B3GALT5: variants seen among roughly 807,000 people sequenced by gnomAD.
The protein encoded by B3GALT5 is UDP-Gal:betaGlcNAc beta 1,3-galactosyltransferase, polypeptide 5.
For missense variants in B3GALT5, 328 were observed against 396.6 expected (o/e 0.83, Z 1.47); for synonymous variants, 156 against 158.6 (o/e 0.98, Z 0.12).
At chr21:39,623,242 C>A in intron 1 of B3GALT5, among the ~76,000 whole-genome samples, 1 of 84,900 alleles carries the variant, frequency 1.2e-5, no homozygotes, top group Non-Finnish European at 2.3e-5. Flanking sequence ...TCCCTCCCTC[C>A]CTTCCTTCCT....
At position 39,667,277 on chromosome 21, in the gene B3GALT5, T is replaced by C. The variant is rs931357730; in HGVS notation, c.*5785T>C. ...CCAACTCCCGCCGGGCACCGGGTGC[T>C]GCACCGGTTATCCCAACAGGCTGGC... On this transcript the variant is annotated 3_prime_UTR_variant, in exon 4 of 4. Transcript: ENST00000684187. The C allele has an allele frequency of 6.6e-6, 1 of 152,234 alleles. No homozygotes were observed. The highest frequency in any genetic ancestry group is 2.4e-5 in the African/African-American group (1 of 41,472). 9.4% of individuals were successfully genotyped at this position (152,234 alleles called of 1,614,324 possible).
At chr21:39,617,714 C>A (rs902584956) in intron 1 of B3GALT5, among the ~76,000 whole-genome samples, 4 of 152,110 alleles carry the variant, frequency 2.6e-5, no homozygotes, top group Admixed American at 1.3e-4. Context: ...AATGTGGCCC[C>A]AAACAAATTC....
rs2079607410 is a variant in B3GALT5 at position 39,669,366 on chromosome 21, G to A, written c.*7874G>A. 1 of 152,102 alleles carries A rather than the reference G, an allele frequency of 6.6e-6. No individual in the cohort carries two copies. The highest frequency in any genetic ancestry group is 2.4e-5 in the African/African-American group (1 of 41,414). The allele number at this position is 152,102 out of a possible 1,614,324, so 9.4% of individuals were successfully genotyped here. ...GGTCCTTCAGCGAGTGGCACATCCAGGATTAAAAGCTGGCATCAGAAATCC... is the reference window on the plus strand; with the variant it reads ...GGTCCTTCAGCGAGTGGCACATCCAAGATTAAAAGCTGGCATCAGAAATCC... On this transcript the variant is annotated 3_prime_UTR_variant, in exon 4 of 4. Transcript: ENST00000684187.
intron 1 of B3GALT5, among the ~76,000 whole-genome samples, chr21:39,636,108 G>T (rs1277628914): frequency 6.6e-6 from 1 of 152,180 alleles, no homozygotes; most frequent in Non-Finnish European, 1.5e-5. Context: ...TTACTATCGG[G>T]CAATTTGCTC....
chr21:39,626,083 C>T lies in B3GALT5; in HGVS notation c.-392+13016C>T, dbSNP rs426768. On this transcript the variant is annotated intron_variant, in intron 1 of 3. Coordinates refer to ENST00000684187, the MANE Select transcript of B3GALT5 (RefSeq NM_001356336.2). ...ATCTTGTACCCATTATCAGTCATTT[C>T]TCCTCCCTACCCCCAGCCCCTGGGA... 3.2e-3 allele frequency among the ~76,000 whole-genome samples: 491 copies of T among 152,248 alleles called. 2 individuals carry two copies. In the Middle Eastern group the frequency reaches 0.061, roughly 19 times the overall value.
intron 1 of B3GALT5, among the ~76,000 whole-genome samples, chr21:39,619,219 G>C (rs1196657066): frequency 6.6e-6 from 1 of 152,094 alleles, no homozygotes; most frequent in Non-Finnish European, 1.5e-5. Context: ...GAGATCAAAG[G>C]TGCCAGCCTG....
intron 1 of B3GALT5, among the ~76,000 whole-genome samples, chr21:39,641,205 T>C (rs1384604865): frequency 2.0e-5 from 3 of 152,198 alleles, no homozygotes; most frequent in Non-Finnish European, 2.9e-5. Flanking sequence ...ACTACAAACA[T>C]GATAAATCTC....
At chr21:39,618,779 T>A (rs866789404) in intron 1 of B3GALT5, among the ~76,000 whole-genome samples, 6 of 152,324 alleles carry the variant, frequency 3.9e-5, no homozygotes, top group Middle Eastern at 3.4e-3. Flanking sequence ...CATTTTTAAT[T>A]TGGTGAAATT....
intron 1 of B3GALT5, among the ~76,000 whole-genome samples, chr21:39,618,034 A>G (rs886222509): frequency 6.6e-6 from 1 of 152,144 alleles, no homozygotes; most frequent in African/African-American, 2.4e-5. Flanking sequence ...ATGCACCTGT[A>G]GTCCTAGATA....
Position 39,661,388 on chromosome 21 carries a change from C to G in B3GALT5, c.829C>G (p.Leu277Val). 1 of 1,589,252 alleles carries G rather than the reference C, an allele frequency of 6.3e-7. No individual in the cohort carries two copies. Among genetic ancestry groups the G allele is most frequent in the Non-Finnish European group, 8.6e-7 (1 of 1,168,276 alleles). The change falls in exon 4 of 4, where the codon CTC becomes GTC. Residue 277 changes from leucine (L) to valine (V), a missense_variant. By Grantham distance (32) the Leu-to-Val change is conservative. Coordinates refer to ENST00000684187, the MANE Select transcript of B3GALT5 (RefSeq NM_001356336.2). This position sits in a 1 kb window ranked among gnomAD's most constrained non-coding sequence, Gnocchi z 4.7. The part of the protein sequence containing the change: ...FPGGLRFSVC[L>V]FRRIVACHFI... ...AGGGGGCTTACGCTTCTCCGTATGC[C>G]TCTTCAGGAGGATCGTGGCCTGCCA... is the stretch of plus-strand genomic sequence containing the variant.
Position 39,667,991 on chromosome 21 carries a change from TA to T in B3GALT5, c.*6501del, listed in dbSNP as rs1336326670. ...AGAAGGTTGTCAGAGGTGTGGAAAT[TA>T]AGATAATTCACATTGAGTTCTTGGC... is the stretch of plus-strand genomic sequence containing the variant. On this transcript the variant is annotated 3_prime_UTR_variant, in exon 4 of 4. Transcript: ENST00000684187. 1 of 152,236 alleles carries T rather than the reference TA, an allele frequency of 6.6e-6. No individual in the cohort carries two copies. Among genetic ancestry groups the T allele is most frequent in the East Asian group, 1.9e-4 (1 of 5,196 alleles). 9.4% of individuals were successfully genotyped at this position (152,236 alleles called of 1,614,324 possible).
At chr21:39,634,101 C>T (rs926788305) in intron 1 of B3GALT5, among the ~76,000 whole-genome samples, 1 of 152,164 alleles carries the variant, frequency 6.6e-6, no homozygotes, top group African/African-American at 2.4e-5. Flanking sequence ...TTGACCATTC[C>T]CCATGCCTTC....
chr21:39,638,384 C>T (rs1401677090), intron 1 of B3GALT5, among the ~76,000 whole-genome samples: 1 of 152,200 alleles, frequency 6.6e-6, no homozygotes, highest in Non-Finnish European at 1.5e-5. Flanking sequence ...CAGGCACTGA[C>T]AGGCACCAGC....
chr21:39,651,498 C>G (rs1461201219), intron 2 of B3GALT5, among the ~76,000 whole-genome samples: 1 of 152,198 alleles, frequency 6.6e-6, no homozygotes, highest in Non-Finnish European at 1.5e-5. Flanking sequence ...AGTCTGTGTC[C>G]AAATTTCCCT....
At chr21:39,632,846 G>A (rs903940079) in intron 1 of B3GALT5, among the ~76,000 whole-genome samples, 74 of 152,154 alleles carry the variant, frequency 4.9e-4, no homozygotes, top group African/African-American at 1.6e-3. Flanking sequence ...GGGGATGCAG[G>A]GAGAAAGTGG....
At chr21:39,628,441 C>A (rs1433473532) in intron 1 of B3GALT5, among the ~76,000 whole-genome samples, 2 of 152,232 alleles carry the variant, frequency 1.3e-5, no homozygotes, top group African/African-American at 4.8e-5. Context: ...TCATTCCACT[C>A]TCTACATCCG....
At position 39,661,278 on chromosome 21, in the gene B3GALT5, A is replaced by G; in HGVS notation, c.719A>G (p.Lys240Arg). The G allele has an allele frequency of 6.2e-7, 1 of 1,614,160 alleles. No homozygotes were observed. Among genetic ancestry groups the G allele is most frequent in the Non-Finnish European group, 8.5e-7 (1 of 1,180,052 alleles). ...GTCTCCAAGAGCGTCCCATACATTAAACTGGAAGACGTGTTTGTGGGGCTC... is the reference window on the plus strand; with the variant it reads ...GTCTCCAAGAGCGTCCCATACATTAGACTGGAAGACGTGTTTGTGGGGCTC... ...YNVSKSVPYI[K>R]LEDVFVGLCL... Residue 240 changes from lysine to arginine, a missense_variant, in exon 4 of 4, where the codon AAA (lysine) becomes AGA (arginine). Physicochemically the swap from Lys to Arg is conservative, Grantham distance 26. Coordinates refer to ENST00000684187, the MANE Select transcript of B3GALT5 (RefSeq NM_001356336.2). This position sits in a 1 kb window ranked among gnomAD's most constrained non-coding sequence, Gnocchi z 4.7.
chr21:39,643,677 G>A (rs2079311039), intron 1 of B3GALT5, among the ~76,000 whole-genome samples: 1 of 152,192 alleles, frequency 6.6e-6, no homozygotes, highest in African/African-American at 2.4e-5. Flanking sequence ...TTTGAAGCAT[G>A]CCACAGATTG....
chr21:39,664,865 T>G lies in B3GALT5; in HGVS notation c.*3373T>G, dbSNP rs2079565486. 1 of 152,684 alleles carries G rather than the reference T, an allele frequency of 6.5e-6. No homozygotes were observed. Among genetic ancestry groups the G allele is most frequent in the Admixed American group, 6.6e-5 (1 of 15,256 alleles). The allele number at this position is 152,684 out of a possible 1,614,324, so 9.5% of individuals were successfully genotyped here. On this transcript the variant is annotated 3_prime_UTR_variant, in exon 4 of 4. Coordinates refer to ENST00000684187, the MANE Select transcript of B3GALT5 (RefSeq NM_001356336.2). ...CGCCTTTTCCATCTCCCCTGCTTGC[T>G]CCTTCTCTTTGCTCTGACAGTGTCG...
Sources: gnomAD v4.1 joint callset for allele counts (sites outside exome capture counted in the v4.1 genomes callset) on GRCh38, gnomAD v4.1.1 for gene constraint, Gnocchi (gnomAD v3.1) non-coding constraint, MANE v1.5 for transcripts, NCBI Gene and HGNC (gene_info 2026-07-23, HGNC 2026-07-21) for gene names.